CACNA2D3: variants seen among roughly 807,000 people sequenced by gnomAD.
The protein encoded by CACNA2D3 is voltage-dependent calcium channel subunit alpha-2/delta-3.
A neutral mutation model predicts 160.6 loss-of-function variants in CACNA2D3; 60 were observed. That is an observed-to-expected ratio of 0.37 (90% confidence interval 0.30 to 0.46). The LOEUF is 0.46. Among genes scored for constraint, CACNA2D3 ranks in the 20% least tolerant of loss-of-function variants. The pLI is 1.00. For missense variants in CACNA2D3, 1,205 were observed against 1,365.0 expected (o/e 0.88, Z 1.85); for synonymous variants, 558 against 492.9 (o/e 1.13, Z -1.75).
chr3:55,050,701 T>C (rs1197787794), intron 35 of CACNA2D3, among the ~76,000 whole-genome samples: 1 of 134,056 alleles, frequency 7.5e-6, no homozygotes, highest in Non-Finnish European at 1.6e-5. Flanking sequence ...CAGAGTGTTT[T>C]CCATCTTGGT....
At chr3:54,925,083 T>C (rs1167056133) in intron 27 of CACNA2D3, 1 of 1,613,986 alleles carries the variant, frequency 6.2e-7, no homozygotes, top group Admixed American at 1.7e-5. Context: ...AGGAGGTAAA[T>C]GGGAAGGGAT....
intron 12 of CACNA2D3, among the ~76,000 whole-genome samples, chr3:54,763,531 A>G (rs1055265508): frequency 2.0e-5 from 3 of 151,444 alleles, no homozygotes; most frequent in Non-Finnish European, 2.9e-5. Flanking sequence ...GACTCACAAA[A>G]ATGAAAAAAT....
intron 4 of CACNA2D3, among the ~76,000 whole-genome samples, chr3:54,485,786 A>T (rs1701006629): frequency 6.6e-6 from 1 of 151,542 alleles, no homozygotes; most frequent in Admixed American, 6.6e-5. Context: ...CTGGTCTTGA[A>T]CTCCTGACCT....
At chr3:54,271,279 T>C (rs541634963) in intron 2 of CACNA2D3, among the ~76,000 whole-genome samples, 15 of 152,250 alleles carry the variant, frequency 9.9e-5, no homozygotes, top group Non-Finnish European at 1.0e-4. Context: ...GCTCTCACTC[T>C]GCCTTCCGCT....
At chr3:54,168,755 G>A (rs1261737633) in intron 2 of CACNA2D3, among the ~76,000 whole-genome samples, 1 of 152,192 alleles carries the variant, frequency 6.6e-6, no homozygotes, top group African/African-American at 2.4e-5. Flanking sequence ...GAGATGGAAG[G>A]CCCCTTTAGG....
At position 54,822,787 on chromosome 3, in the gene CACNA2D3, TTTCCTTTCTTTCTTTC is replaced by T. The variant is rs1703651064; in HGVS notation, c.1398+5920_1398+5935del. 5.7e-4 allele frequency among the ~76,000 whole-genome samples: 40 copies of T among 70,708 alleles called. 1 individual carries two copies. The highest frequency in any genetic ancestry group is 2.1e-3 in the African/African-American group (39 of 18,948). 46.4% of individuals were successfully genotyped at this position (70,708 alleles called of 152,430 possible). ...CTTTCTTTCTTTCTTTCTTTCTTTC[TTTCCTTTCTTTCTTTC>T]TTTCTTTCTTTCTTTCTTTCTTTCT... is the stretch of plus-strand genomic sequence containing the variant. On this transcript the variant is annotated intron_variant, in intron 14 of 37. Coordinates refer to ENST00000474759, the MANE Select transcript of CACNA2D3 (RefSeq NM_018398.3).
intron 5 of CACNA2D3, among the ~76,000 whole-genome samples, chr3:54,518,592 T>C (rs1701593592): frequency 6.6e-6 from 1 of 152,234 alleles, no homozygotes; most frequent in African/African-American, 2.4e-5. Flanking sequence ...CTGGTATTCT[T>C]GATAACCTGA....
intron 2 of CACNA2D3, among the ~76,000 whole-genome samples, chr3:54,279,146 A>G (rs1702814940): frequency 6.6e-6 from 1 of 152,168 alleles, no homozygotes; most frequent in South Asian, 2.1e-4. Flanking sequence ...GGCTCCAACG[A>G]TGGAGAGATT....
At chr3:54,815,781 A>G (rs1703434517) in intron 13 of CACNA2D3, among the ~76,000 whole-genome samples, 1 of 152,162 alleles carries the variant, frequency 6.6e-6, no homozygotes, top group Admixed American at 6.5e-5. Flanking sequence ...TTGTGATTTA[A>G]TGGGATAATG....
intron 21 of CACNA2D3, among the ~76,000 whole-genome samples, chr3:54,885,048 G>A (rs1174142913): frequency 6.6e-6 from 1 of 152,178 alleles, no homozygotes; most frequent in Non-Finnish European, 1.5e-5. Context: ...GGGATGAACA[G>A]CCAGGGAAGG....
intron 2 of CACNA2D3, among the ~76,000 whole-genome samples, chr3:54,263,278 G>T (rs1702437471): frequency 6.6e-6 from 1 of 152,198 alleles, no homozygotes; most frequent in Non-Finnish European, 1.5e-5. Context: ...GGTGGCTACT[G>T]TGTAGAGACT....
intron 2 of CACNA2D3, among the ~76,000 whole-genome samples, chr3:54,138,048 A>G (rs975723843): frequency 6.6e-6 from 1 of 152,202 alleles, no homozygotes; most frequent in Non-Finnish European, 1.5e-5. Flanking sequence ...TCATTTCACC[A>G]CTGCGACGAT....
At chr3:54,742,880 A>G (rs1048871163) in intron 11 of CACNA2D3, among the ~76,000 whole-genome samples, 1 of 152,220 alleles carries the variant, frequency 6.6e-6, no homozygotes, top group Non-Finnish European at 1.5e-5. Context: ...TGAGGCTGTA[A>G]TAACACAGAT....
intron 17 of CACNA2D3, among the ~76,000 whole-genome samples, chr3:54,848,193 A>ACT (rs768696651): frequency 3.9e-5 from 6 of 152,222 alleles, no homozygotes; most frequent in Non-Finnish European, 8.8e-5. Flanking sequence ...GTGTGTTTGT[A>ACT]AATAGTCCAT....
Position 54,210,089 on chromosome 3 carries a change from A to T in CACNA2D3, c.204+86495A>T, listed in dbSNP as rs1307116843. On this transcript the variant is annotated intron_variant, in intron 2 of 37. Transcript: ENST00000474759. ...ATTCAGTGAGGGGAAGGCAACAAGC[A>T]TGATAAATAAGAAAACACAACGTTT... is the stretch of plus-strand genomic sequence containing the variant. Among the ~76,000 whole-genome samples the T allele has an allele frequency of 2.6e-5, 4 of 152,206 alleles. No homozygotes were observed. In the South Asian group the frequency reaches 8.3e-4, roughly 32 times the overall value.
At chr3:54,202,209 G>A (rs1490856147) in intron 2 of CACNA2D3, among the ~76,000 whole-genome samples, 1 of 152,234 alleles carries the variant, frequency 6.6e-6, no homozygotes, top group Non-Finnish European at 1.5e-5. Flanking sequence ...TCATGTGACT[G>A]CACTTGGTGC....
chr3:54,215,071 C>A (rs1438434888), intron 2 of CACNA2D3, among the ~76,000 whole-genome samples: 1 of 152,194 alleles, frequency 6.6e-6, no homozygotes, highest in East Asian at 1.9e-4. Context: ...CTATTGTCCA[C>A]ACTCTCCAAG....
chr3:54,255,062 C>T (rs1702268269), intron 2 of CACNA2D3, among the ~76,000 whole-genome samples: 1 of 152,160 alleles, frequency 6.6e-6, no homozygotes, highest in African/African-American at 2.4e-5. Context: ...TGTAACATTT[C>T]CCCTGTGGAA....
intron 29 of CACNA2D3, among the ~76,000 whole-genome samples, chr3:54,980,226 T>A (rs573670534): frequency 2.6e-5 from 4 of 152,314 alleles, no homozygotes; most frequent in African/African-American, 9.6e-5. Flanking sequence ...CGAGGTAAGA[T>A]TTTCATAAAC....
Sources: allele counts gnomAD v4.1 joint callset (sites outside exome capture counted in the v4.1 genomes callset), GRCh38; gene constraint gnomAD v4.1.1; transcripts MANE v1.5; gene names NCBI Gene and HGNC (gene_info 2026-07-23, HGNC 2026-07-21).